The following PREX2 variants were observed in gnomAD, a reference collection of about 807,000 sequenced individuals.
The protein encoded by PREX2 is phosphatidylinositol-3,4,5-trisphosphate dependent Rac exchange factor 2.
Under a neutral mutation model 203.2 loss-of-function variants are expected in PREX2, and 107 were observed. That is an observed-to-expected ratio of 0.53 (90% CI 0.45 to 0.62). The LOEUF is 0.62. Ranked by LOEUF, PREX2 falls within the 20% of genes least tolerant of loss-of-function variation. PREX2 has a pLI of 0.00. For missense variants in PREX2, 1,777 were observed against 1,955.9 expected (o/e 0.91, Z 1.72); for synonymous variants, 672 against 663.6 (o/e 1.01, Z -0.19).
chr8:68,029,558 A>G (rs1215780874), intron 5 of PREX2, among the ~76,000 whole-genome samples: 10 of 152,180 alleles, frequency 6.6e-5, no homozygotes, highest in Non-Finnish European at 1.5e-5. Flanking sequence ...ACAGAACTCA[A>G]AAGAATATAA....
chr8:68,175,992 A>G (rs1282510222), intron 35 of PREX2, among the ~76,000 whole-genome samples: 1 of 152,146 alleles, frequency 6.6e-6, no homozygotes, highest in Non-Finnish European at 1.5e-5. Context: ...CATTCATAAT[A>G]TATTTCATAT....
intron 21 of PREX2, chr8:68,095,073 C>T (rs959785902): frequency 6.6e-6 from 1 of 152,166 alleles, no homozygotes; most frequent in Non-Finnish European, 1.5e-5. Flanking sequence ...TGCTGAGCAC[C>T]GAGCTGTGTA....
intron 35 of PREX2, among the ~76,000 whole-genome samples, chr8:68,170,822 T>C (rs1315334579): frequency 6.6e-6 from 1 of 152,104 alleles, no homozygotes; most frequent in African/African-American, 2.4e-5. Flanking sequence ...TCAGCCTCAT[T>C]TTTCCCTGCC....
intron 34 of PREX2, among the ~76,000 whole-genome samples, chr8:68,151,505 T>G (rs1811434357): frequency 6.6e-6 from 1 of 152,138 alleles, no homozygotes; most frequent in Admixed American, 6.5e-5. Context: ...CATACAAACC[T>G]CGACAGATGT....
At chr8:67,979,128 T>TAC (rs1470692147) in intron 1 of PREX2, among the ~76,000 whole-genome samples, 1 of 152,170 alleles carries the variant, frequency 6.6e-6, no homozygotes, top group African/African-American at 2.4e-5. Flanking sequence ...AAAGACAGGA[T>TAC]ACTAATAAAC....
chr8:68,005,386 T>C (rs1254676178), intron 1 of PREX2, among the ~76,000 whole-genome samples: 1 of 152,194 alleles, frequency 6.6e-6, no homozygotes, highest in Non-Finnish European at 1.5e-5. Flanking sequence ...CTCCACGAAG[T>C]AGCTGGAGTG....
chr8:68,075,165 A>G (rs1170395582), intron 14 of PREX2, among the ~76,000 whole-genome samples: 1 of 152,200 alleles, frequency 6.6e-6, no homozygotes, highest in Non-Finnish European at 1.5e-5. Context: ...CACCAGGTGC[A>G]TATGGCACAA....
intron 32 of PREX2, among the ~76,000 whole-genome samples, chr8:68,137,955 A>G (rs1325725252): frequency 6.6e-6 from 1 of 152,248 alleles, no homozygotes; most frequent in Non-Finnish European, 1.5e-5. Flanking sequence ...CAGTTACTAA[A>G]TATAGCAAAT....
chr8:68,216,533 T>G (rs1333571702), intron 37 of PREX2, among the ~76,000 whole-genome samples: 1 of 152,188 alleles, frequency 6.6e-6, no homozygotes, highest in Non-Finnish European at 1.5e-5. Context: ...AACATTTTTT[T>G]AATGTTCTTT....
Position 68,038,194 on chromosome 8 carries a change from A to T in PREX2, c.741A>T (p.Leu247=), listed in dbSNP as rs768272433. ...SNITDTCTEM[L]MCGVLLKISS... ...TCACTGACACCTGCACTGAAATGCT[A>T]ATGTGTGGAGTCTTACTGAAAATTT... The change falls in exon 7 of 40, where the codon CTA becomes CTT. Residue 247 remains leucine (L), a synonymous_variant. Transcript: ENST00000288368. 1 of 1,613,556 alleles carries T rather than the reference A, an allele frequency of 6.2e-7. No homozygotes were observed. Among genetic ancestry groups the T allele is most frequent in the Admixed American group, 1.7e-5 (1 of 60,018 alleles).
chr8:68,045,325 A>G (rs1487246094), intron 8 of PREX2, among the ~76,000 whole-genome samples: 1 of 152,148 alleles, frequency 6.6e-6, no homozygotes, highest in Non-Finnish European at 1.5e-5. Flanking sequence ...TTCTACGAGA[A>G]AAGACAAGAT....
intron 33 of PREX2, among the ~76,000 whole-genome samples, chr8:68,140,795 T>G (rs968510976): frequency 2.0e-5 from 3 of 152,208 alleles, no homozygotes; most frequent in African/African-American, 7.2e-5. Flanking sequence ...TAGTATTCAG[T>G]AAGTATTTGA....
intron 35 of PREX2, among the ~76,000 whole-genome samples, chr8:68,190,725 T>C (rs140249890): frequency 1.7e-3 from 259 of 152,138 alleles, no homozygotes; most frequent in African/African-American, 6.1e-3. Flanking sequence ...AAAAAACATG[T>C]ATGTATACCC....
At chr8:68,093,776 A>C (rs1206761337) in intron 21 of PREX2, 54 bp downstream of exon 21, 6 of 919,734 alleles carry the variant, frequency 6.5e-6, no homozygotes, top group African/African-American at 5.0e-5. Context: ...TCCACTGTGC[A>C]TGTGCCTACT....
At chr8:68,043,912 G>T (rs1215970096) in intron 7 of PREX2, among the ~76,000 whole-genome samples, 2 of 151,900 alleles carry the variant, frequency 1.3e-5, no homozygotes, top group Non-Finnish European at 2.9e-5. Context: ...GGGTATTTTA[G>T]AAATAAATAA....
chr8:68,022,261 G>A (rs948908813), intron 4 of PREX2, 121 bp downstream of exon 4: 10 of 592,320 alleles, frequency 1.7e-5, no homozygotes, highest in Non-Finnish European at 2.7e-5. Flanking sequence ...ATCCCCAGGC[G>A]AGGAAGCAAG....
chr8:68,107,663 G>T lies in PREX2; in HGVS notation c.2716-446G>T, dbSNP rs184040980. Among the ~76,000 whole-genome samples, 4 of 152,224 alleles carry T rather than the reference G, an allele frequency of 2.6e-5. No individual in the cohort carries two copies. The East Asian group carries it at 7.8e-4, about 30-fold the overall frequency. ...AGTGCTTTGGATTAGCTTTATGCTT[G>T]TGTTTGGGACATCCCATCTTCCTCC... On this transcript the variant is annotated intron_variant, in intron 23 of 39. Transcript: ENST00000288368.
chr8:68,133,546 T>C (rs1811049830), intron 31 of PREX2, among the ~76,000 whole-genome samples: 1 of 152,328 alleles, frequency 6.6e-6, no homozygotes, highest in Admixed American at 6.5e-5. Flanking sequence ...TTGCTTATAA[T>C]TGCAAACAAT....
intron 37 of PREX2, among the ~76,000 whole-genome samples, chr8:68,215,833 G>A (rs547371077): frequency 3.3e-5 from 5 of 152,204 alleles, no homozygotes; most frequent in South Asian, 4.1e-4. Flanking sequence ...CACCGTGCCC[G>A]GCTGAAAACT....
Sources: allele counts gnomAD v4.1 joint callset (sites outside exome capture counted in the v4.1 genomes callset), GRCh38; gene constraint gnomAD v4.1.1; transcripts MANE v1.5; gene names NCBI Gene and HGNC (gene_info 2026-07-23, HGNC 2026-07-21).